Variants in POPDC1 observed in about 807,000 individuals in gnomAD.
POPDC1 encodes the protein popeye domain cAMP effector 1, also known as popeye domain-containing protein 1.
the POPDC1 span, among the ~76,000 whole-genome samples, chr6:105,119,609 G>A: frequency 1.3e-5 from 2 of 152,322 alleles, no homozygotes; most frequent in South Asian, 4.1e-4. Flanking sequence ...ATGCACCTAA[G>A]TGCTAAAGAC....
the POPDC1 span, among the ~76,000 whole-genome samples, chr6:105,123,954 A>G: frequency 1.1e-4 from 17 of 152,368 alleles, no homozygotes; most frequent in African/African-American, 3.4e-4. Context: ...CTAATAAAGC[A>G]TAAGATGTTT....
At chr6:105,101,165 T>C in the POPDC1 span, 2 of 1,613,644 alleles carry the variant, frequency 1.2e-6, no homozygotes, top group Non-Finnish European at 1.7e-6. Context: ...TGCTCCTTCT[T>C]CTATCGGTTT....
the POPDC1 span, among the ~76,000 whole-genome samples, chr6:105,122,508 A>C: frequency 4.1e-4 from 63 of 152,332 alleles, no homozygotes; most frequent in African/African-American, 1.3e-3. Context: ...ATAGTATATT[A>C]GTATTTCTGG....
At chr6:105,120,172 T>C in the POPDC1 span, among the ~76,000 whole-genome samples, 77 of 13,238 alleles carry the variant, frequency 5.8e-3, 34 homozygotes, top group African/African-American at 0.012. Flanking sequence ...GGCGGAAGAA[T>C]GGCGTGAACC....
the POPDC1 span, among the ~76,000 whole-genome samples, chr6:105,106,258 C>T: frequency 6.6e-6 from 1 of 152,050 alleles, no homozygotes; most frequent in African/African-American, 2.4e-5. Context: ...CATATTACAC[C>T]AAGTGGCAAA....
the POPDC1 span, among the ~76,000 whole-genome samples, chr6:105,109,757 C>A: frequency 2.1e-4 from 1 of 4,676 alleles, no homozygotes; most frequent in Non-Finnish European, 1.9e-3. Flanking sequence ...GAGTGAGACC[C>A]TTTCTCAAAA....
chr6:105,102,885 GA>G, the POPDC1 span, among the ~76,000 whole-genome samples: 2 of 152,152 alleles, frequency 1.3e-5, no homozygotes, highest in African/African-American at 2.4e-5. Flanking sequence ...TATATATACG[GA>G]AATTGTTCAC....
At chr6:105,115,711 C>A in the POPDC1 span, 14 of 1,614,086 alleles carry the variant, frequency 8.7e-6, no homozygotes, top group Non-Finnish European at 1.2e-5. Flanking sequence ...TGGAGGTACC[C>A]CGAAGAAACT....
the POPDC1 span, among the ~76,000 whole-genome samples, chr6:105,115,997 T>C: frequency 6.6e-6 from 1 of 152,156 alleles, no homozygotes; most frequent in East Asian, 1.9e-4. Context: ...TATTAGCTAT[T>C]ACTATAAATA....
At chr6:105,108,393 C>T in the POPDC1 span, among the ~76,000 whole-genome samples, 98 of 151,834 alleles carry the variant, frequency 6.5e-4, no homozygotes, top group African/African-American at 2.2e-3. Flanking sequence ...GAAAAGACAA[C>T]GATAAGGAAA....
chr6:105,097,873 C>T, the POPDC1 span: 1 of 152,114 alleles, frequency 6.6e-6, no homozygotes, highest in Non-Finnish European at 1.5e-5. Flanking sequence ...ATATAGCACC[C>T]ATTATTACTA....
chr6:105,115,730 C>A, the POPDC1 span: 2 of 1,614,026 alleles, frequency 1.2e-6, no homozygotes, highest in Non-Finnish European at 1.7e-6. Flanking sequence ...CTGGTGCAAG[C>A]CGTCGTCACT....
the POPDC1 span, chr6:105,115,899 A>G: frequency 6.6e-7 from 1 of 1,510,558 alleles, no homozygotes; most frequent in African/African-American, 1.4e-5. Context: ...AGCAGCATGT[A>G]CTTTTCCTAG....
At chr6:105,135,466 T>C in the POPDC1 span, among the ~76,000 whole-genome samples, 5 of 152,198 alleles carry the variant, frequency 3.3e-5, no homozygotes, top group Non-Finnish European at 7.4e-5. Flanking sequence ...TAATACACAT[T>C]TACATAATCA....
chr6:105,104,944 A>C, the POPDC1 span, among the ~76,000 whole-genome samples: 1 of 152,184 alleles, frequency 6.6e-6, no homozygotes, highest in African/African-American at 2.4e-5. Context: ...CACCCTCACC[A>C]CATCTGTACT....
chr6:105,124,587 T>G, the POPDC1 span: 1 of 1,612,744 alleles, frequency 6.2e-7, no homozygotes, highest in Non-Finnish European at 8.5e-7. Context: ...TGATCTAAAT[T>G]CAGGAGAATC....
chr6:105,111,484 C>T, the POPDC1 span, among the ~76,000 whole-genome samples: 2 of 152,226 alleles, frequency 1.3e-5, no homozygotes, highest in Non-Finnish European at 2.9e-5. Flanking sequence ...AGCGTTCTCA[C>T]ACCTCTCACA....
the POPDC1 span, chr6:105,117,013 A>G: frequency 2.4e-6 from 2 of 823,100 alleles, no homozygotes; most frequent in Non-Finnish European, 3.7e-6. Context: ...GACTCAATGC[A>G]CACAAGCTTC....
chr6:105,108,106 C>T, the POPDC1 span, among the ~76,000 whole-genome samples: 7 of 152,242 alleles, frequency 4.6e-5, no homozygotes, highest in Middle Eastern at 3.4e-3. Flanking sequence ...TCGGATGGAC[C>T]ATCAGGGCCG....
Sources: gnomAD v4.1 joint callset for allele counts (sites outside exome capture counted in the v4.1 genomes callset) on GRCh38, gnomAD v4.1.1 for gene constraint, MANE v1.5 for transcripts, NCBI Gene and HGNC (gene_info 2026-07-23, HGNC 2026-07-21) for gene names.